Variants in EYS observed in about 807,000 individuals in gnomAD.
EYS encodes the protein protein eyes shut homolog.
A neutral mutation model predicts 282.1 loss-of-function variants in EYS; 250 were observed. The observed-to-expected ratio is 0.89, with a 90% CI of 0.80 to 0.98. The LOEUF (loss-of-function observed/expected upper bound fraction) is 0.98. Ranked by LOEUF, EYS falls within the 50% of genes least tolerant of loss-of-function variation. EYS has a pLI of 0.00. For missense variants in EYS, 4,016 were observed against 3,709.0 expected (o/e 1.08, Z -2.15); for synonymous variants, 1,355 against 1,282.9 (o/e 1.06, Z -1.20).
chr6:64,202,492 T>G (rs1765488686), intron 31 of EYS, among the ~76,000 whole-genome samples: 1 of 152,214 alleles, frequency 6.6e-6, no homozygotes, highest in South Asian at 2.1e-4. Flanking sequence ...AGAAAATAAG[T>G]TATGTGCTAG....
chr6:63,729,023 G>A (rs12205302), intron 41 of EYS, among the ~76,000 whole-genome samples: 1 of 151,840 alleles, frequency 6.6e-6, no homozygotes, highest in African/African-American at 2.4e-5. Flanking sequence ...TTAGCTATTC[G>A]AAAAAGTATC....
At chr6:64,512,038 TC>T (rs1462710678) in intron 26 of EYS, among the ~76,000 whole-genome samples, 8 of 152,080 alleles carry the variant, frequency 5.3e-5, no homozygotes, top group Admixed American at 5.2e-4. Context: ...TTCAGCTTTT[TC>T]CCTCAATATC....
At chr6:65,528,975 T>A (rs1486549367) in intron 2 of EYS, among the ~76,000 whole-genome samples, 2 of 152,200 alleles carry the variant, frequency 1.3e-5, no homozygotes, top group Admixed American at 1.3e-4. Context: ...AAGAGAAAGA[T>A]AAGAAATATC....
At chr6:64,056,704 A>C (rs965768087) in intron 33 of EYS, among the ~76,000 whole-genome samples, 2 of 152,176 alleles carry the variant, frequency 1.3e-5, no homozygotes, top group African/African-American at 4.8e-5. Context: ...TTCTCAGGGC[A>C]TGGTTGAGTC....
At chr6:65,265,085 C>T (rs1010574879) in intron 12 of EYS, among the ~76,000 whole-genome samples, 10 of 151,880 alleles carry the variant, frequency 6.6e-5, no homozygotes, top group African/African-American at 2.4e-4. Context: ...AAATTGGAGA[C>T]TATTAGTTGC....
chr6:63,729,577 G>A (rs554168818), intron 41 of EYS, among the ~76,000 whole-genome samples: 3 of 150,698 alleles, frequency 2.0e-5, no homozygotes, highest in South Asian at 4.2e-4. Context: ...ATCATTTGTC[G>A]AAAAGATTAT....
At chr6:64,580,252 A>T (rs1333430911) in intron 26 of EYS, among the ~76,000 whole-genome samples, 1 of 152,148 alleles carries the variant, frequency 6.6e-6, no homozygotes, top group Admixed American at 6.6e-5. Context: ...ACTCCTCCTG[A>T]AAAAGCCCAA....
intron 14 of EYS, among the ~76,000 whole-genome samples, chr6:64,962,097 T>C (rs1416530427): frequency 6.6e-6 from 1 of 152,134 alleles, no homozygotes; most frequent in Non-Finnish European, 1.5e-5. Context: ...TCACTACTTC[T>C]TCAGCTTTAT....
intron 11 of EYS, chr6:65,303,465 AAACT>A: frequency 6.2e-7 from 1 of 1,606,658 alleles, no homozygotes; most frequent in Non-Finnish European, 8.5e-7. Context: ...GAAGCTCCAG[AAACT>A]AACACTGACG....
In EYS at chr6:65,113,078, T is replaced by G. The variant is rs1320443105; in HGVS notation, c.2024-55351A>C. Reference sequence around the variant, plus strand: ...TCTCACATTATAAGATTTAAAAATGTCAGTTTAGCTCTTGCAAACCTCCTT... The same window carrying G: ...TCTCACATTATAAGATTTAAAAATGGCAGTTTAGCTCTTGCAAACCTCCTT... On this transcript the variant is annotated intron_variant, in intron 12 of 42. Transcript: ENST00000503581. Among the ~76,000 whole-genome samples, 6 of 152,074 alleles carry G rather than the reference T, an allele frequency of 3.9e-5. No individual in the cohort carries two copies. In the South Asian group the frequency reaches 1.2e-3, roughly 31 times the overall value.
At chr6:65,222,747 A>G (rs1766504547) in intron 12 of EYS, among the ~76,000 whole-genome samples, 2 of 152,238 alleles carry the variant, frequency 1.3e-5, no homozygotes, top group South Asian at 4.1e-4. Context: ...GGAATCAACA[A>G]TGATTGAGTT....
intron 12 of EYS, among the ~76,000 whole-genome samples, chr6:65,072,585 T>G (rs1478585656): frequency 6.6e-6 from 1 of 151,782 alleles, no homozygotes; most frequent in Non-Finnish European, 1.5e-5. Flanking sequence ...AATGAAAACA[T>G]TGTCAAAGTG....
At chr6:65,582,542 A>G (rs1240229456) in intron 2 of EYS, among the ~76,000 whole-genome samples, 1 of 152,280 alleles carries the variant, frequency 6.6e-6, no homozygotes, top group African/African-American at 2.4e-5. Flanking sequence ...AAAGAAATGG[A>G]TGAAACTCAT....
At chr6:65,138,609 T>C (rs1406898616) in intron 12 of EYS, among the ~76,000 whole-genome samples, 1 of 151,960 alleles carries the variant, frequency 6.6e-6, no homozygotes, top group Non-Finnish European at 1.5e-5. Context: ...AATAACATAT[T>C]GGTGAGCACA....
chr6:64,657,047 G>C (rs139182324), intron 22 of EYS, among the ~76,000 whole-genome samples: 2,197 of 152,242 alleles, frequency 0.014, 48 homozygotes, highest in African/African-American at 0.051. Flanking sequence ...CCTGTATTGG[G>C]TGCATATATA....
chr6:64,247,064 C>T (rs941148259), intron 30 of EYS, among the ~76,000 whole-genome samples: 1 of 151,798 alleles, frequency 6.6e-6, no homozygotes, highest in Non-Finnish European at 1.5e-5. Context: ...CAAATGGAAA[C>T]ATTTATTATA....
At chr6:65,685,638 A>G (rs964588560) in intron 1 of EYS, among the ~76,000 whole-genome samples, 2 of 152,010 alleles carry the variant, frequency 1.3e-5, no homozygotes, top group Admixed American at 1.3e-4. Flanking sequence ...ATCATTTGGC[A>G]TATTTGCCTT....
chr6:64,536,768 T>C (rs1038987115), intron 26 of EYS, among the ~76,000 whole-genome samples: 18 of 151,552 alleles, frequency 1.2e-4, no homozygotes, highest in Non-Finnish European at 2.2e-4. Context: ...TATCATGCAA[T>C]GTCCTTAGTT....
chr6:65,220,901 T>C (rs1259116596), intron 12 of EYS, among the ~76,000 whole-genome samples: 1 of 152,194 alleles, frequency 6.6e-6, no homozygotes, highest in Non-Finnish European at 1.5e-5. Flanking sequence ...TAAAGGTGAC[T>C]CTTGCTATAT....
Sources: gnomAD v4.1 joint callset for allele counts (sites outside exome capture counted in the v4.1 genomes callset) on GRCh38, gnomAD v4.1.1 for gene constraint, MANE v1.5 for transcripts, NCBI Gene and HGNC (gene_info 2026-07-23, HGNC 2026-07-21) for gene names.